The following ACTR3C variants were observed in gnomAD, a reference collection of about 807,000 sequenced individuals.
ACTR3C encodes actin related protein 3C.
Under a neutral mutation model 26.3 loss-of-function variants are expected in ACTR3C, and 18 were observed. The observed-to-expected ratio is 0.68, with a 90% CI of 0.47 to 1.01. The LOEUF is 1.01. Ranked by LOEUF, ACTR3C falls within the 50% of genes least tolerant of loss-of-function variation. ACTR3C has a pLI of 0.00. For missense variants in ACTR3C, 184 were observed against 250.7 expected, an observed-to-expected ratio of 0.73 and a Z score of 1.80; for synonymous variants, 55 against 94.5, an observed-to-expected ratio of 0.58 and a Z score of 2.42.
the ACTR3C span, among the ~76,000 whole-genome samples, chr7:150,170,703 C>A: frequency 6.6e-6 from 1 of 150,622 alleles, no homozygotes; most frequent in Non-Finnish European, 1.5e-5. Context: ...TCCTATCACT[C>A]AAGACATTTC....
chr7:150,122,398 A>G, the ACTR3C span, among the ~76,000 whole-genome samples: 1 of 152,244 alleles, frequency 6.6e-6, no homozygotes, highest in Non-Finnish European at 1.5e-5. Flanking sequence ...TTTACAAGAA[A>G]AAAACAACCC....
the ACTR3C span, among the ~76,000 whole-genome samples, chr7:149,988,736 C>A: frequency 6.6e-6 from 1 of 152,136 alleles, no homozygotes; most frequent in Non-Finnish European, 1.5e-5. Context: ...TCCTTTGGCC[C>A]CATGAATCTG....
the ACTR3C span, among the ~76,000 whole-genome samples, chr7:150,110,378 C>T: frequency 6.7e-6 from 1 of 148,618 alleles, no homozygotes; most frequent in Non-Finnish European, 1.5e-5. Context: ...AGGGGCAAGA[C>T]CCAGGAACCC....
At chr7:149,917,064 T>C in the ACTR3C span, among the ~76,000 whole-genome samples, 1 of 131,842 alleles carries the variant, frequency 7.6e-6, no homozygotes, top group Non-Finnish European at 1.6e-5. Flanking sequence ...TATATTATTA[T>C]TTGCCCCAAA....
At chr7:150,200,238 C>A in the ACTR3C span, among the ~76,000 whole-genome samples, 1 of 152,052 alleles carries the variant, frequency 6.6e-6, no homozygotes, top group Non-Finnish European at 1.5e-5. Context: ...TTAGAATTAA[C>A]CTATTAGATT....
At chr7:150,041,738 G>A in the ACTR3C span, among the ~76,000 whole-genome samples, 2 of 145,586 alleles carry the variant, frequency 1.4e-5, no homozygotes, top group Non-Finnish European at 3.0e-5. Flanking sequence ...TGCGATGGGG[G>A]TCCTAAGAGC....
At chr7:150,180,135 C>T in the ACTR3C span, among the ~76,000 whole-genome samples, 47 of 150,272 alleles carry the variant, frequency 3.1e-4, no homozygotes, top group Admixed American at 7.2e-4. Flanking sequence ...GAAACCCCAT[C>T]TCTACTAAAA....
At chr7:149,918,547 A>G in the ACTR3C span, among the ~76,000 whole-genome samples, 5 of 152,206 alleles carry the variant, frequency 3.3e-5, no homozygotes, top group East Asian at 1.9e-4. Context: ...AAAACTAGTC[A>G]GGTGCGGTGG....
the ACTR3C span, among the ~76,000 whole-genome samples, chr7:149,971,339 G>A: frequency 6.6e-6 from 1 of 152,128 alleles, no homozygotes; most frequent in South Asian, 2.1e-4. Flanking sequence ...CCCTACCGAT[G>A]GGGTGTTAGA....
the ACTR3C span, among the ~76,000 whole-genome samples, chr7:149,934,188 T>C: frequency 6.6e-6 from 1 of 152,072 alleles, no homozygotes; most frequent in African/African-American, 2.4e-5. Context: ...TTTGACTCAA[T>C]GCTAGCAATG....
At chr7:150,159,612 A>G in the ACTR3C span, among the ~76,000 whole-genome samples, 1 of 152,168 alleles carries the variant, frequency 6.6e-6, no homozygotes, top group Admixed American at 6.5e-5. Context: ...CCAAAACCTC[A>G]GATAACTAAC....
At chr7:149,966,293 C>T in the ACTR3C span, among the ~76,000 whole-genome samples, 5 of 152,184 alleles carry the variant, frequency 3.3e-5, no homozygotes, top group African/African-American at 1.2e-4. Context: ...GATGTGAGAT[C>T]TGAGGCAGGG....
the ACTR3C span, among the ~76,000 whole-genome samples, chr7:150,042,597 G>T: frequency 6.7e-6 from 1 of 148,512 alleles, no homozygotes; most frequent in African/African-American, 2.6e-5. Context: ...TCCCCCCACT[G>T]CGATGGGAGT....
the ACTR3C span, among the ~76,000 whole-genome samples, chr7:150,119,200 T>C: frequency 6.6e-6 from 1 of 152,170 alleles, no homozygotes; most frequent in Admixed American, 6.5e-5. Flanking sequence ...AATAACCAGC[T>C]ACCATCATAA....
chr7:150,068,800 A>AAAAAC, the ACTR3C span, among the ~76,000 whole-genome samples: 1 of 146,030 alleles, frequency 6.8e-6, no homozygotes. Context: ...AAAAAAAAAA[A>AAAAAC]AACCAAAAAA....
chr7:149,994,173 A>G, the ACTR3C span, among the ~76,000 whole-genome samples: 1 of 152,224 alleles, frequency 6.6e-6, no homozygotes, highest in Non-Finnish European at 1.5e-5. Context: ...GGATGATACT[A>G]AAAAGTATGA....
At chr7:149,962,902 C>T in the ACTR3C span, among the ~76,000 whole-genome samples, 1 of 152,212 alleles carries the variant, frequency 6.6e-6, no homozygotes, top group Non-Finnish European at 1.5e-5. Flanking sequence ...CTGAAGACTG[C>T]ACTGAGTGGC....
chr7:150,187,482 T>C, the ACTR3C span, among the ~76,000 whole-genome samples: 1 of 144,808 alleles, frequency 6.9e-6, no homozygotes, highest in Non-Finnish European at 1.5e-5. Context: ...AAGAATTTAT[T>C]TGGATTTTCC....
chr7:149,987,460 A>C, the ACTR3C span, among the ~76,000 whole-genome samples: 1 of 147,832 alleles, frequency 6.8e-6, no homozygotes, highest in Non-Finnish European at 1.5e-5. Flanking sequence ...CCAGCTACTC[A>C]GGAGGCTGAG....
Sources: gnomAD v4.1 joint callset for allele counts (sites outside exome capture counted in the v4.1 genomes callset) on GRCh38, gnomAD v4.1.1 for gene constraint, MANE v1.5 for transcripts, NCBI Gene and HGNC (gene_info 2026-07-23, HGNC 2026-07-21) for gene names.